Variants in ZSWIM1 observed in about 807,000 individuals in gnomAD.
ZSWIM1 encodes zinc finger SWIM domain-containing protein 1.
A neutral mutation model predicts 29.3 loss-of-function variants in ZSWIM1; 22 were observed. That is an observed-to-expected ratio of 0.75 (90% confidence interval 0.54 to 1.07). The LOEUF (loss-of-function observed/expected upper bound fraction) is 1.07, where lower values mean the gene tolerates loss of function less well. Ranked by LOEUF, ZSWIM1 falls within the 50% of genes least tolerant of loss-of-function variation. The pLI, the probability that ZSWIM1 is intolerant of heterozygous loss-of-function variation, is 0.00. For synonymous variants in ZSWIM1, 228 were observed against 240.8 expected, an observed-to-expected ratio of 0.95 and a Z score of 0.49; for missense variants, 511 against 596.2, an observed-to-expected ratio of 0.86 and a Z score of 1.49.
At position 45,883,518 on chromosome 20, in the gene ZSWIM1, C is replaced by T. The variant is rs1986363608; in HGVS notation, c.926C>T (p.Ser309Leu). The T allele has an allele frequency of 6.2e-7, 1 of 1,614,136 alleles. No individual in the cohort carries two copies. The highest frequency in any genetic ancestry group is 1.7e-5 in the Admixed American group (1 of 60,004). ...GLCAQNNHAP[S>L]DTIPESPKLE... ...TGTGCCCAGAACAATCATGCTCCCT[C>T]AGACACCATCCCCGAAAGCCCCAAA... The change falls in exon 2 of 2, where the codon TCA (serine) becomes TTA (leucine). Residue 309 changes from serine (S) to leucine (L), a missense_variant. Physicochemically the swap from Ser to Leu is moderately radical, Grantham distance 145 (BLOSUM62 -2). Transcript: ENST00000372523.
rs1339186195 is a variant in ZSWIM1 at position 45,883,510 on chromosome 20, T to C, written c.918T>C (p.His306=). 6.2e-7 allele frequency: 1 copy of C among 1,614,092 alleles called. No homozygotes were observed. Among genetic ancestry groups the C allele is most frequent in the African/African-American group, 1.3e-5 (1 of 74,922 alleles). The part of the protein sequence containing the change: ...FNQGLCAQNN[H]APSDTIPESP... Reference sequence around the variant, plus strand: ...AGGGCCTGTGTGCCCAGAACAATCATGCTCCCTCAGACACCATCCCCGAAA... The same window carrying C: ...AGGGCCTGTGTGCCCAGAACAATCACGCTCCCTCAGACACCATCCCCGAAA... The change falls in exon 2 of 2, where the codon CAT becomes CAC. Residue 306 remains histidine (H), a synonymous_variant. Transcript: ENST00000372523.
rs967365986 is a variant in ZSWIM1 at position 45,882,533 on chromosome 20, G to A, written c.-60G>A. 51 of 1,559,586 alleles carry A rather than the reference G, an allele frequency of 3.3e-5. No individual in the cohort carries two copies. Among genetic ancestry groups the A allele is most frequent in the Non-Finnish European group, 4.3e-5 (50 of 1,153,642 alleles). On this transcript the variant is annotated splice_region_variant and 5_prime_UTR_variant, in exon 2 of 2. Transcript: ENST00000372523. ...CTTAAACCTCTGTTACTCTCCATAG[G>A]CCCATCTTTGGAAAAAAGATCTGGG...
Position 45,883,575 on chromosome 20 carries a change from ACTCC to A in ZSWIM1, c.987_990del (p.Leu330MetfsTer33), listed in dbSNP as rs772479927. ...CAGCTGGTAGAATCCCACATCCAGC[ACTCC>A]CTCAATGCCATCTGCACAGGGCCAG... On this transcript the variant is annotated frameshift_variant, in exon 2 of 2. Coordinates refer to ENST00000372523, the MANE Select transcript of ZSWIM1 (RefSeq NM_080603.5). LOFTEE classifies it high-confidence loss of function. 6.2e-7 allele frequency: 1 copy of A among 1,614,154 alleles called. No homozygotes were observed. The highest frequency in any genetic ancestry group is 1.7e-5 in the Admixed American group (1 of 60,018).
Position 45,884,105 on chromosome 20 carries a change from TACACACACACACACACACAC to T in ZSWIM1, c.*74_*93del, listed in dbSNP as rs71181872. The T allele has an allele frequency of 3.9e-5, 42 of 1,089,650 alleles. No individual in the cohort carries two copies. Among genetic ancestry groups the T allele is most frequent in the Middle Eastern group, 3.1e-4 (1 of 3,278 alleles). 67.5% of individuals were successfully genotyped at this position (1,089,650 alleles called of 1,614,324 possible). A position where few individuals can be genotyped will look rare whatever the true frequency, so the allele number is the denominator to read the frequency against. On this transcript the variant is annotated 3_prime_UTR_variant, in exon 2 of 2. Coordinates refer to ENST00000372523, the MANE Select transcript of ZSWIM1 (RefSeq NM_080603.5). ...ACCTGTGCACACTCACATCCACCCA[TACACACACACACACACACAC>T]ACACACACACACACACACTCCCTTA...
intron 1 of ZSWIM1, among the ~76,000 whole-genome samples, chr20:45,881,685 T>G (rs1318499917): frequency 6.6e-6 from 1 of 152,198 alleles, no homozygotes; most frequent in East Asian, 1.9e-4. Flanking sequence ...GCACATTTGT[T>G]AGCCATATTT....
At position 45,883,256 on chromosome 20, in the gene ZSWIM1, C is replaced by T; in HGVS notation, c.664C>T (p.Pro222Ser). The T allele has an allele frequency of 6.2e-7, 1 of 1,613,894 alleles. No homozygotes were observed. Among genetic ancestry groups the T allele is most frequent in the South Asian group, 1.1e-5 (1 of 91,078 alleles). The change falls in exon 2 of 2, where the codon CCT (proline) becomes TCT (serine). Residue 222 changes from proline (P) to serine (S), a missense_variant. By Grantham distance (74) the Pro-to-Ser change is moderately conservative (BLOSUM62 -1). Transcript: ENST00000372523. ...GTATACACTCCTGAGCAACTGCATC[C>T]CTCCAGCCAAGCTGCCCGAGCTTCA... is the stretch of plus-strand genomic sequence containing the variant. ...KLYTLLSNCI[P>S]PAKLPELHSH...
Position 45,884,075 on chromosome 20 carries a change from C to A in ZSWIM1, c.*25C>A. ...ATTATTCTCGATGCCCAGAGATGCT[C>A]ATGCACCTGTGCACACTCACATCCA... On this transcript the variant is annotated 3_prime_UTR_variant, in exon 2 of 2. Coordinates refer to ENST00000372523, the MANE Select transcript of ZSWIM1 (RefSeq NM_080603.5). 6 of 1,587,728 alleles carry A rather than the reference C, an allele frequency of 3.8e-6. No individual in the cohort carries two copies. The highest frequency in any genetic ancestry group is 4.3e-6 in the Non-Finnish European group (5 of 1,165,316).
rs775258001 is a variant in ZSWIM1 at position 45,883,823 on chromosome 20, G to A, written c.1231G>A (p.Asp411Asn). Residue 411 changes from aspartate to asparagine, a missense_variant, in exon 2 of 2, where the codon GAC (aspartate) becomes AAC (asparagine). By Grantham distance (23) the Asp-to-Asn change is conservative. Transcript: ENST00000372523. ...TGCCCGCCGCCAGGTGCTCCAGCCC[G>A]ACATGCTGCCGGCTCAGTGGACGGC... The part of the protein sequence containing the change: ...LSARRQVLQP[D>N]MLPAQWTAGC... The A allele has an allele frequency of 1.1e-5, 18 of 1,613,426 alleles. No individual in the cohort carries two copies. The highest frequency in any genetic ancestry group is 2.7e-5 in the African/African-American group (2 of 74,918).
upstream of ZSWIM1, among the ~76,000 whole-genome samples, chr20:45,881,041 A>G (rs1201079611): frequency 3.3e-5 from 5 of 152,090 alleles, no homozygotes; most frequent in African/African-American, 9.7e-5. Context: ...CCCAGATGCA[A>G]GTATCTTTAC....
chr20:45,883,678 G>A lies in ZSWIM1; in HGVS notation c.1086G>A (p.Lys362=). The A allele has an allele frequency of 6.2e-7, 1 of 1,614,210 alleles. No individual in the cohort carries two copies. Among genetic ancestry groups the A allele is most frequent in the Non-Finnish European group, 8.5e-7 (1 of 1,180,040 alleles). The change falls in exon 2 of 2, where the codon AAG becomes AAA. Residue 362 remains lysine (K), a synonymous_variant. Transcript: ENST00000372523. ...ACCTCATTGGCTCTGGCTCAGAAAA[G>A]ATGAACATACAGATCCTGGAAGATA... is the stretch of plus-strand genomic sequence containing the variant. ...STHLIGSGSE[K]MNIQILEDTH... is the part of the protein sequence containing the mutation.
chr20:45,884,117 C>G lies in ZSWIM1; in HGVS notation c.*67C>G. On this transcript the variant is annotated 3_prime_UTR_variant, in exon 2 of 2. Transcript: ENST00000372523. ...TCACATCCACCCATACACACACACA[C>G]ACACACACACACACACACACACACA... 7.1e-7 allele frequency: 1 copy of G among 1,416,780 alleles called. No individual in the cohort carries two copies. Among genetic ancestry groups the G allele is most frequent in the Non-Finnish European group, 9.6e-7 (1 of 1,045,918 alleles). The allele number at this position is 1,416,780 out of a possible 1,614,324, so 87.8% of individuals were successfully genotyped here.
rs755076208 is a variant in ZSWIM1, at chr20:45,883,803, G to A, written c.1211G>A (p.Arg404His). The part of the protein sequence containing the change: ...CRHILAMLSA[R>H]RQVLQPDMLP... ...CACATCCTAGCCATGCTCAGTGCCC[G>A]CCGCCAGGTGCTCCAGCCCGACATG... The change falls in exon 2 of 2, where the codon CGC (arginine) becomes CAC (histidine). Residue 404 changes from arginine to histidine, a missense_variant. Physicochemically the swap from Arg to His is conservative, Grantham distance 29. Coordinates refer to ENST00000372523, the MANE Select transcript of ZSWIM1 (RefSeq NM_080603.5). 1.7e-5 allele frequency: 27 copies of A among 1,613,330 alleles called. No individual in the cohort carries two copies. The highest frequency in any genetic ancestry group is 4.5e-5 in the East Asian group (2 of 44,896).
chr20:45,883,123 C>A lies in ZSWIM1; in HGVS notation c.531C>A (p.Leu177=), dbSNP rs1299509180. 2.5e-6 allele frequency: 4 copies of A among 1,614,088 alleles called. No homozygotes were observed. Among genetic ancestry groups the A allele is most frequent in the Non-Finnish European group, 3.4e-6 (4 of 1,180,044 alleles). The change falls in exon 2 of 2, where the codon CTC becomes CTA. Residue 177 remains leucine, a synonymous_variant. Coordinates refer to ENST00000372523, the MANE Select transcript of ZSWIM1 (RefSeq NM_080603.5). The part of the protein sequence containing the change: ...LLSAFHICKF[L]QAKFYQLSLE... ...CAGCCTTCCACATTTGTAAGTTCCT[C>A]CAGGCCAAGTTCTATCAGCTGTCCC...
rs770809206 is a variant in ZSWIM1 at position 45,884,011 on chromosome 20, C to T, written c.1419C>T (p.Ala473=). The T allele has an allele frequency of 1.9e-5, 30 of 1,613,576 alleles. No individual in the cohort carries two copies. The highest frequency in any genetic ancestry group is 3.3e-5 in the South Asian group (3 of 91,062). Residue 473 remains alanine (A), a synonymous_variant, in exon 2 of 2, where the codon GCC becomes GCT. Transcript: ENST00000372523. ...GGTATAGCACCCTGCGGGAACTGGCCGACAGCTGGATTGGGCCTTATGAGC... is the reference window on the plus strand; with the variant it reads ...GGTATAGCACCCTGCGGGAACTGGCTGACAGCTGGATTGGGCCTTATGAGC... ...ERRYSTLREL[A]DSWIGPYEQV...
Position 45,883,342 on chromosome 20 carries a change from G to A in ZSWIM1, c.750G>A (p.Glu250=). 1 of 1,614,214 alleles carries A rather than the reference G, an allele frequency of 6.2e-7. No homozygotes were observed. The highest frequency in any genetic ancestry group is 8.5e-7 in the Non-Finnish European group (1 of 1,180,048). Reference sequence around the variant, plus strand: ...CTCACCGCTGGAGAAGCCGAGCTGAGAGCAGCCACTACTTCCAGAGCCTCG... The same window carrying A: ...CTCACCGCTGGAGAAGCCGAGCTGAAAGCAGCCACTACTTCCAGAGCCTCG... ...WLAHRWRSRA[E]SSHYFQSLEV... is the part of the protein sequence containing the mutation. Residue 250 remains glutamate (E), a synonymous_variant, in exon 2 of 2, where the codon GAG becomes GAA. Coordinates refer to ENST00000372523, the MANE Select transcript of ZSWIM1 (RefSeq NM_080603.5).
In ZSWIM1 at chr20:45,883,790, A is replaced by G; in HGVS notation, c.1198A>G (p.Met400Val). The G allele has an allele frequency of 1.9e-6, 3 of 1,613,728 alleles. No individual in the cohort carries two copies. The East Asian group carries it at 6.7e-5, about 36-fold the overall frequency. The change falls in exon 2 of 2, where the codon ATG (methionine) becomes GTG (valine). Residue 400 changes from methionine to valine, a missense_variant. Physicochemically the swap from Met to Val is conservative, Grantham distance 21. Coordinates refer to ENST00000372523, the MANE Select transcript of ZSWIM1 (RefSeq NM_080603.5). ...CCTGCCCTGCCGCCACATCCTAGCC[A>G]TGCTCAGTGCCCGCCGCCAGGTGCT... ...FHLPCRHILA[M>V]LSARRQVLQP...
rs1986367952 is a variant in ZSWIM1 at position 45,883,592 on chromosome 20, T to C, written c.1000T>C (p.Cys334Arg). 4.3e-6 allele frequency: 7 copies of C among 1,614,252 alleles called. No homozygotes were observed. Among genetic ancestry groups the C allele is most frequent in the Non-Finnish European group, 5.9e-6 (7 of 1,180,044 alleles). Reference protein sequence around the residue: ...SHIQHSLNAICTGPAAQLCLG... With the variant: ...SHIQHSLNAIRTGPAAQLCLG... ...CATCCAGCACTCCCTCAATGCCATC[T>C]GCACAGGGCCAGCAGCCCAACTGTG... Residue 334 changes from cysteine (C) to arginine (R), a missense_variant, in exon 2 of 2, where the codon TGC (cysteine) becomes CGC (arginine). Coordinates refer to ENST00000372523, the MANE Select transcript of ZSWIM1 (RefSeq NM_080603.5).
intron 1 of ZSWIM1, among the ~76,000 whole-genome samples, chr20:45,881,764 C>T (rs1986270753): frequency 6.6e-6 from 1 of 152,202 alleles, no homozygotes; most frequent in African/African-American, 2.4e-5. Context: ...AAGTTTGGAG[C>T]AATTGCAGTT....
rs1331062937 is a variant in ZSWIM1 at position 45,883,783 on chromosome 20, C to A, written c.1191C>A (p.Ile397=). The A allele has an allele frequency of 6.2e-7, 1 of 1,613,704 alleles. No individual in the cohort carries two copies. Among genetic ancestry groups the A allele is most frequent in the Non-Finnish European group, 8.5e-7 (1 of 1,180,048 alleles). ...NQAFHLPCRH[I]LAMLSARRQV... ...CCTTCCACCTGCCCTGCCGCCACAT[C>A]CTAGCCATGCTCAGTGCCCGCCGCC... The change falls in exon 2 of 2, where the codon ATC becomes ATA. Residue 397 remains isoleucine (I), a synonymous_variant. Coordinates refer to ENST00000372523, the MANE Select transcript of ZSWIM1 (RefSeq NM_080603.5).
Sources: allele counts gnomAD v4.1 joint callset (sites outside exome capture counted in the v4.1 genomes callset), GRCh38; gene constraint gnomAD v4.1.1; transcripts MANE v1.5; gene names NCBI Gene and HGNC (gene_info 2026-07-23, HGNC 2026-07-21).